IGFL2: variants seen among roughly 807,000 people sequenced by gnomAD.
IGFL2 encodes IGF like family member 2, also known as insulin growth factor-like family member 2.
A neutral mutation model predicts 13.9 loss-of-function variants in IGFL2; 7 were observed. The ratio of observed to expected loss-of-function variants is 0.51; its 90% CI spans 0.29 to 0.95. The LOEUF is 0.95. Among genes scored for constraint, IGFL2 ranks in the 40% least tolerant of loss-of-function variants. The pLI, the probability that IGFL2 is intolerant of heterozygous loss-of-function variation, is 0.08. For synonymous variants in IGFL2, 55 were observed against 55.8 expected (o/e 0.99, Z 0.07); for missense variants, 138 against 147.8 (o/e 0.93, Z 0.34).
chr19:46,215,111 C>A, the IGFL2 span, among the ~76,000 whole-genome samples: 2 of 152,062 alleles, frequency 1.3e-5, no homozygotes, highest in Admixed American at 1.3e-4. Context: ...CAGACACCCT[C>A]CTAGGAGTCA....
the IGFL2 span, chr19:46,124,068 A>G: frequency 2.5e-5 from 40 of 1,611,650 alleles, 3 homozygotes; most frequent in South Asian, 3.9e-4. Flanking sequence ...TGGCATCATC[A>G]TAACAGCACT....
At position 46,160,691 on chromosome 19, in the gene IGFL2, T is replaced by C. The variant is rs1974115070; in HGVS notation, c.151T>C (p.Cys51Arg). The C allele has an allele frequency of 6.2e-7, 1 of 1,614,124 alleles. No homozygotes were observed. Among genetic ancestry groups the C allele is most frequent in the East Asian group, 2.2e-5 (1 of 44,874 alleles). Residue 51 changes from cysteine to arginine, a missense_variant, in exon 3 of 4, where the codon TGC (cysteine) becomes CGC (arginine). Transcript: ENST00000377693. ...GDKIYNPLEQ[C>R]CYNDAIVSLS... ...CAAGATCTACAACCCCTTGGAGCAG[T>C]GCTGTTACAATGACGCCATCGTGTC... is the stretch of plus-strand genomic sequence containing the variant.
the IGFL2 span, among the ~76,000 whole-genome samples, chr19:46,084,121 G>C: frequency 6.6e-6 from 1 of 152,108 alleles, no homozygotes; most frequent in African/African-American, 2.4e-5. Context: ...TCCTGTTACG[G>C]ATTTCTAGTA....
the IGFL2 span, among the ~76,000 whole-genome samples, chr19:46,195,577 G>A: frequency 1.3e-5 from 2 of 152,100 alleles, no homozygotes; most frequent in Non-Finnish European, 2.9e-5. Context: ...CTAAATGTAT[G>A]TATTTATTTA....
At chr19:46,164,557 G>A (rs1033665676), downstream of IGFL2, 1 of 152,404 alleles carries the variant, frequency 6.6e-6, no homozygotes, top group East Asian at 1.9e-4. Flanking sequence ...GATGAGGATA[G>A]GAGAAGCACT....
chr19:46,188,705 A>G, the IGFL2 span, among the ~76,000 whole-genome samples: 1 of 152,306 alleles, frequency 6.6e-6, no homozygotes, highest in Middle Eastern at 3.4e-3. Context: ...TGGCCATCTG[A>G]CAGCACTTCA....
chr19:46,143,776 G>T (rs767121954), upstream of IGFL2, among the ~76,000 whole-genome samples: 1 of 152,172 alleles, frequency 6.6e-6, no homozygotes, highest in Non-Finnish European at 1.5e-5. Flanking sequence ...GGGCTTCCCT[G>T]TGGCTCAGAG....
chr19:46,083,491 A>G, the IGFL2 span, among the ~76,000 whole-genome samples: 1 of 152,234 alleles, frequency 6.6e-6, no homozygotes, highest in African/African-American at 2.4e-5. Context: ...TTCAGACACT[A>G]TGTTGTAAAC....
the IGFL2 span, chr19:46,119,983 A>G: frequency 3.4e-6 from 1 of 298,372 alleles, no homozygotes; most frequent in East Asian, 8.5e-5. Flanking sequence ...TGAATGGCTT[A>G]GGTGTTGAAC....
the IGFL2 span, among the ~76,000 whole-genome samples, chr19:46,094,122 G>C: frequency 6.9e-6 from 1 of 144,902 alleles, no homozygotes; most frequent in Non-Finnish European, 1.5e-5. Flanking sequence ...CAAAGAACTA[G>C]AATAGCTAAG....
chr19:46,138,421 GCTAGCAACAACA>G (rs764829939), upstream of IGFL2, among the ~76,000 whole-genome samples: 39 of 152,280 alleles, frequency 2.6e-4, no homozygotes, highest in Non-Finnish European at 3.4e-4. Context: ...TTCCCCATTT[GCTAGCAACAACA>G]CTCCAACGTG....
chr19:46,094,890 T>A, the IGFL2 span, among the ~76,000 whole-genome samples: 6 of 152,234 alleles, frequency 3.9e-5, no homozygotes, highest in Admixed American at 6.5e-5. Context: ...TAGTATTCCA[T>A]GGTGTATATG....
At chr19:46,114,705 G>T in the IGFL2 span, among the ~76,000 whole-genome samples, 1 of 152,122 alleles carries the variant, frequency 6.6e-6, no homozygotes, top group African/African-American at 2.4e-5. Context: ...TGTAAGATAC[G>T]CCTTGGTTCC....
At chr19:46,156,525 G>A (rs1471571549) in intron 1 of IGFL2, among the ~76,000 whole-genome samples, 1 of 152,066 alleles carries the variant, frequency 6.6e-6, no homozygotes, top group African/African-American at 2.4e-5. Flanking sequence ...TGGCAGCTAA[G>A]CAACACAACT....
At chr19:46,137,212 C>A in the IGFL2 span, 2 of 1,554,302 alleles carry the variant, frequency 1.3e-6, no homozygotes, top group Non-Finnish European at 1.8e-6. Context: ...TTTCAGAAAT[C>A]TTGGGCCCAC....
the IGFL2 span, among the ~76,000 whole-genome samples, chr19:46,200,370 T>G: frequency 6.6e-6 from 1 of 151,650 alleles, no homozygotes; most frequent in Non-Finnish European, 1.5e-5. Flanking sequence ...TATGGGGTTT[T>G]GTCATGTTAC....
At chr19:46,164,310 GAAGAAGTCTGACC>G (rs1974294133), downstream of IGFL2, 1 of 152,212 alleles carries the variant, frequency 6.6e-6, no homozygotes, top group Non-Finnish European at 1.5e-5. Flanking sequence ...CCCATTTAAA[GAAGAAGTCTGACC>G]ACCTTTTGGT....
the IGFL2 span, among the ~76,000 whole-genome samples, chr19:46,092,210 C>T: frequency 1.9e-4 from 29 of 152,084 alleles, no homozygotes; most frequent in African/African-American, 7.0e-4. Flanking sequence ...CCTAGGCTGG[C>T]CTGCAGTGGT....
At chr19:46,160,919 G>A (rs1230474912) in intron 3 of IGFL2, 38 bp downstream of exon 3, 3 of 1,608,676 alleles carry the variant, frequency 1.9e-6, no homozygotes, top group African/African-American at 2.7e-5. Context: ...TCGGGGGAAG[G>A]GAGGTGGAAA....
Sources: allele counts gnomAD v4.1 joint callset (sites outside exome capture counted in the v4.1 genomes callset), GRCh38; gene constraint gnomAD v4.1.1; transcripts MANE v1.5; gene names NCBI Gene and HGNC (gene_info 2026-07-23, HGNC 2026-07-21).